Variants in FAF1 observed in about 807,000 individuals in gnomAD.
FAF1 encodes the protein FAS-associated factor 1.
Under a neutral mutation model 92.5 loss-of-function variants are expected in FAF1, and 25 were observed. The ratio of observed to expected loss-of-function variants is 0.27; its 90% confidence interval spans 0.20 to 0.38. The LOEUF is 0.38. Among genes scored for constraint, FAF1 ranks in the 10% least tolerant of loss-of-function variants. The pLI is 1.00. For missense variants in FAF1, 636 were observed against 793.3 expected, an observed-to-expected ratio of 0.80 and a Z score of 2.38; for synonymous variants, 234 against 273.2, an observed-to-expected ratio of 0.86 and a Z score of 1.42.
chr1:50,518,810 A>AGTTAAATCTAT (rs1553222508), intron 15 of FAF1, among the ~76,000 whole-genome samples: 4 of 152,210 alleles, frequency 2.6e-5, no homozygotes, highest in African/African-American at 9.6e-5. Flanking sequence ...CTGTATCATA[A>AGTTAAATCTAT]GTTAAATCTA....
chr1:50,615,425 TTTAAG>T (rs1487979136), intron 8 of FAF1, among the ~76,000 whole-genome samples: 2 of 152,186 alleles, frequency 1.3e-5, no homozygotes, highest in African/African-American at 2.4e-5. Flanking sequence ...GTAGCTCTGA[TTTAAG>T]TTCTTTGAGA....
rs1029424927 is a variant in FAF1, at chr1:50,911,804, C to T, written c.45+47963G>A. Among the ~76,000 whole-genome samples, 7 of 151,904 alleles carry T rather than the reference C, an allele frequency of 4.6e-5. No homozygotes were observed. The East Asian group carries it at 9.7e-4, about 21-fold the overall frequency. ...TCCCAGCACTTTGGGAGGCCAAGGT[C>T]GGTGGATCACTTGAGCTCAAGAGTT... On this transcript the variant is annotated intron_variant, in intron 1 of 18. Transcript: ENST00000396153.
intron 15 of FAF1, among the ~76,000 whole-genome samples, chr1:50,534,910 T>C (rs1648391424): frequency 6.6e-6 from 1 of 152,214 alleles, no homozygotes; most frequent in Admixed American, 6.5e-5. Context: ...AGCTGAGAAA[T>C]TCAGAATGCT....
intron 2 of FAF1, among the ~76,000 whole-genome samples, chr1:50,815,356 T>C (rs1366026896): frequency 6.6e-6 from 1 of 152,236 alleles, no homozygotes; most frequent in Non-Finnish European, 1.5e-5. Flanking sequence ...CTTAGGATTA[T>C]GGCCTCCAGC....
chr1:50,708,989 A>T (rs1481369874), intron 6 of FAF1, among the ~76,000 whole-genome samples: 1 of 152,212 alleles, frequency 6.6e-6, no homozygotes, highest in Non-Finnish European at 1.5e-5. Context: ...GATGGGGTCA[A>T]TGATCAATAT....
chr1:50,759,588 T>C (rs1411561329), intron 4 of FAF1, among the ~76,000 whole-genome samples: 1 of 152,072 alleles, frequency 6.6e-6, no homozygotes, highest in African/African-American at 2.4e-5. Context: ...TCTTTGCTAT[T>C]GTGAATAGTG....
At chr1:50,907,959 A>G (rs1644853995) in intron 1 of FAF1, among the ~76,000 whole-genome samples, 1 of 151,614 alleles carries the variant, frequency 6.6e-6, no homozygotes, top group African/African-American at 2.4e-5. Context: ...TTTAATTGTG[A>G]TGTTAGGGTG....
chr1:50,645,652 G>A (rs776982971), intron 8 of FAF1, among the ~76,000 whole-genome samples: 4 of 152,100 alleles, frequency 2.6e-5, no homozygotes, highest in African/African-American at 4.8e-5. Flanking sequence ...GTGAAACCCC[G>A]TCTCTACTAA....
At chr1:50,756,845 G>A (rs967093246) in intron 4 of FAF1, among the ~76,000 whole-genome samples, 15 of 152,092 alleles carry the variant, frequency 9.9e-5, no homozygotes, top group African/African-American at 2.9e-4. Context: ...TCACTATCAC[G>A]AGAACAGCAT....
At chr1:50,785,016 C>G (rs550007386) in intron 4 of FAF1, among the ~76,000 whole-genome samples, 1 of 150,498 alleles carries the variant, frequency 6.6e-6, no homozygotes, top group East Asian at 2.0e-4. Context: ...ATAACATACA[C>G]AAACATCATC....
intron 2 of FAF1, among the ~76,000 whole-genome samples, chr1:50,854,703 A>C (rs1644377600): frequency 6.6e-6 from 1 of 151,914 alleles, no homozygotes; most frequent in South Asian, 2.1e-4. Flanking sequence ...AAAGTGACTA[A>C]TAATCAGAAC....
chr1:50,764,074 C>A (rs1168701484), intron 4 of FAF1, among the ~76,000 whole-genome samples: 2 of 152,080 alleles, frequency 1.3e-5, no homozygotes, highest in East Asian at 3.8e-4. Flanking sequence ...GAAGAGTTTG[C>A]AATGCACCTA....
intron 4 of FAF1, among the ~76,000 whole-genome samples, chr1:50,770,356 T>G (rs943743030): frequency 1.3e-5 from 2 of 152,156 alleles, no homozygotes; most frequent in Non-Finnish European, 2.9e-5. Flanking sequence ...CCTAGGAAAC[T>G]CCACAATATC....
At chr1:50,512,081 G>T (rs1004185787) in intron 15 of FAF1, among the ~76,000 whole-genome samples, 20 of 152,174 alleles carry the variant, frequency 1.3e-4, no homozygotes, top group Admixed American at 6.5e-4. Flanking sequence ...CCTACTTTTT[G>T]ATGGGGCTGT....
chr1:50,608,098 A>G (rs1054219777), intron 8 of FAF1, among the ~76,000 whole-genome samples: 10 of 152,240 alleles, frequency 6.6e-5, no homozygotes, highest in Non-Finnish European at 1.5e-4. Flanking sequence ...TTCTGCAGTC[A>G]TATTTATACC....
intron 6 of FAF1, among the ~76,000 whole-genome samples, chr1:50,717,129 GAACAAGAACCCACTGGA>G (rs1658211220): frequency 6.6e-6 from 1 of 152,192 alleles, no homozygotes; most frequent in Non-Finnish European, 1.5e-5. Flanking sequence ...GAGTCAGCGA[GAACAAGAACCCACTGGA>G]AGGAACCAAT....
chr1:50,865,128 C>G (rs1182527758), intron 1 of FAF1, among the ~76,000 whole-genome samples: 1 of 152,176 alleles, frequency 6.6e-6, no homozygotes, highest in East Asian at 1.9e-4. Flanking sequence ...CAAATCAAAA[C>G]CACAATGAGT....
chr1:50,959,695 A>G, intron 1 of FAF1, 72 bp downstream of exon 1: 1 of 1,360,822 alleles, frequency 7.3e-7, no homozygotes, highest in Non-Finnish European at 1.0e-6. Context: ...AAACGCTGGG[A>G]AGAAGACTCC....
At chr1:50,924,723 C>T (rs746470434) in intron 1 of FAF1, among the ~76,000 whole-genome samples, 3 of 152,170 alleles carry the variant, frequency 2.0e-5, no homozygotes, top group Non-Finnish European at 2.9e-5. Flanking sequence ...TGGCTCACGC[C>T]TGTAAACCCA....
Sources: gnomAD v4.1 joint callset for allele counts (sites outside exome capture counted in the v4.1 genomes callset) on GRCh38, gnomAD v4.1.1 for gene constraint, MANE v1.5 for transcripts, NCBI Gene and HGNC (gene_info 2026-07-23, HGNC 2026-07-21) for gene names.